Variants in ZNF484 observed in about 807,000 individuals in gnomAD.
ZNF484 encodes the protein zinc finger protein 484, also known as KRAB box containing C2H2 type zinc finger bA526D8.4.
A neutral mutation model predicts 12.9 loss-of-function variants in ZNF484; 11 were observed. The ratio of observed to expected loss-of-function variants is 0.85; its 90% CI spans 0.54 to 1.41. The LOEUF is 1.41. ZNF484 is among the 40% of genes most tolerant of loss of function. The pLI is 0.00. For missense variants in ZNF484, 807 were observed against 1,007.7 expected, an observed-to-expected ratio of 0.80 and a Z score of 2.70; for synonymous variants, 289 against 334.1, an observed-to-expected ratio of 0.86 and a Z score of 1.47.
Position 92,855,836 on chromosome 9 carries a change from A to C in ZNF484, c.210T>G (p.Gly70=), listed in dbSNP as rs1856408436. 6 of 1,613,978 alleles carry C rather than the reference A, an allele frequency of 3.7e-6. No individual in the cohort carries two copies. Among genetic ancestry groups the C allele is most frequent in the Admixed American group, 1.7e-5 (1 of 59,988 alleles). The change falls in exon 4 of 5, where the codon GGT becomes GGG. Residue 70 remains glycine, a synonymous_variant. Transcript: ENST00000375495. The part of the protein sequence containing the change: ...LEQEEPCMLD[G]EIPSQSRPDG... The stretch of plus-strand genomic sequence containing the variant: ...CTGGACGGCTCTGACTGGGGATCTC[A>C]CCATCCAACATACATGGCTCTTCTT...
At position 92,845,709 on chromosome 9, in the gene ZNF484, A is replaced by G. The variant is rs1159296157; in HGVS notation, c.*519T>C. 6.5e-6 allele frequency: 1 copy of G among 153,610 alleles called. No individual in the cohort carries two copies. Among genetic ancestry groups the G allele is most frequent in the Non-Finnish European group, 1.4e-5 (1 of 69,108 alleles). 9.5% of individuals were successfully genotyped at this position (153,610 alleles called of 1,614,324 possible). A position where few individuals can be genotyped will look rare whatever the true frequency, so the allele number is the denominator to read the frequency against. On this transcript the variant is annotated 3_prime_UTR_variant, in exon 5 of 5. Transcript: ENST00000375495. The surrounding 1 kb of genome is among the most constrained non-coding windows in gnomAD (Gnocchi z 4.0). ...AATATAGACTTTTGAGAAATAGGCAAAGAGCAATTTCAGACCTCTTGGCTA... is the reference window on the plus strand; with the variant it reads ...AATATAGACTTTTGAGAAATAGGCAGAGAGCAATTTCAGACCTCTTGGCTA...
At chr9:92,869,234 G>A (rs1857286316) in intron 2 of ZNF484, among the ~76,000 whole-genome samples, 1 of 151,968 alleles carries the variant, frequency 6.6e-6, no homozygotes, top group Non-Finnish European at 1.5e-5. Context: ...GGGAAGACTA[G>A]CGATGAATTA....
intron 4 of ZNF484, among the ~76,000 whole-genome samples, chr9:92,849,209 C>T (rs975262011): frequency 5.3e-5 from 8 of 150,976 alleles, no homozygotes; most frequent in Non-Finnish European, 1.2e-4. Context: ...TGCGGTGAGC[C>T]GAGATCTTGC....
At position 92,849,800 on chromosome 9, in the gene ZNF484, C is replaced by CTT. The variant is rs770649998; in HGVS notation, c.236-1251_236-1250dup. 3.2e-3 allele frequency among the ~76,000 whole-genome samples: 460 copies of CTT among 144,710 alleles called. 1 individual carries two copies. Among genetic ancestry groups the CTT allele is most frequent in the African/African-American group, 0.011 (433 of 39,812 alleles). The allele number at this position is 144,710 out of a possible 152,430, so 94.9% of individuals were successfully genotyped here. A position where few individuals can be genotyped will look rare whatever the true frequency, so the allele number is the denominator to read the frequency against. On this transcript the variant is annotated intron_variant, in intron 4 of 4. Coordinates refer to ENST00000375495, the MANE Select transcript of ZNF484 (RefSeq NM_031486.4). ...AGTGAGACTCTGTCTCTCTCTCTCT[C>CTT]TTTTTTTTTTTTCTTTTTTAAGACA...
At chr9:92,853,960 T>G (rs1446793814) in intron 4 of ZNF484, among the ~76,000 whole-genome samples, 1 of 145,018 alleles carries the variant, frequency 6.9e-6, no homozygotes, top group East Asian at 2.0e-4. Context: ...CAGATGGGGC[T>G]AGAGTGAGCA....
intron 1 of ZNF484, 144 bp from the exon 2 acceptor site, chr9:92,875,203 A>G (rs1857722088): frequency 3.2e-6 from 2 of 622,972 alleles, no homozygotes; most frequent in Non-Finnish European, 5.5e-6. Flanking sequence ...ATCCCATCCC[A>G]TATTGTACAA....
At chr9:92,863,719 A>G (rs1361452153) in intron 2 of ZNF484, among the ~76,000 whole-genome samples, 1 of 152,342 alleles carries the variant, frequency 6.6e-6, no homozygotes, top group East Asian at 1.9e-4. Context: ...AAGGTTGGAG[A>G]AAGGGAACCA....
chr9:92,852,738 T>C (rs958355742), intron 4 of ZNF484, among the ~76,000 whole-genome samples: 1 of 151,606 alleles, frequency 6.6e-6, no homozygotes, highest in Non-Finnish European at 1.5e-5. Context: ...GGTTTCGCCA[T>C]GTTGGCCAGG....
intron 2 of ZNF484, among the ~76,000 whole-genome samples, chr9:92,857,503 C>A (rs1856534189): frequency 6.6e-6 from 1 of 152,124 alleles, no homozygotes; most frequent in South Asian, 2.1e-4. Flanking sequence ...AAGCAAACAG[C>A]CTTTGAAGAA....
rs779894142 is a variant in ZNF484, at chr9:92,846,334, T to G, written c.2453A>C (p.Gln818Pro). ...GTCAGATTTCTGAGGCATACTGAGT[T>G]GTGGCTTCCAGTTTAAGGCTTTCCC... Reference protein sequence around the residue: ...DLGKALNWKPQLSMPQKSDNG... With the variant: ...DLGKALNWKPPLSMPQKSDNG... The change falls in exon 5 of 5, where the codon CAA becomes CCA. Residue 818 changes from glutamine (Q) to proline (P), a missense_variant. By Grantham distance (76) the Gln-to-Pro change is moderately conservative. Coordinates refer to ENST00000375495, the MANE Select transcript of ZNF484 (RefSeq NM_031486.4). 2.5e-6 allele frequency: 4 copies of G among 1,614,178 alleles called. No individual in the cohort carries two copies. In the South Asian group the frequency reaches 4.4e-5, roughly 18 times the overall value.
At position 92,846,081 on chromosome 9, in the gene ZNF484, A is replaced by G. The variant is rs1033706190; in HGVS notation, c.*147T>C. 1.3e-6 allele frequency: 1 copy of G among 767,182 alleles called. No individual in the cohort carries two copies. The highest frequency in any genetic ancestry group is 2.0e-6 in the Non-Finnish European group (1 of 489,096). 47.5% of individuals were successfully genotyped at this position (767,182 alleles called of 1,614,324 possible). A position where few individuals can be genotyped will look rare whatever the true frequency, so the allele number is the denominator to read the frequency against. On this transcript the variant is annotated 3_prime_UTR_variant, in exon 5 of 5. Coordinates refer to ENST00000375495, the MANE Select transcript of ZNF484 (RefSeq NM_031486.4). ...GAAAGACTGCCAATCATCTCCTTGC[A>G]CATTTACTATTATTTGCAGGAGCTT... is the stretch of plus-strand genomic sequence containing the variant.
intron 1 of ZNF484, among the ~76,000 whole-genome samples, chr9:92,875,610 A>G (rs143594144): frequency 6.6e-6 from 1 of 152,264 alleles, no homozygotes; most frequent in African/African-American, 2.4e-5. Flanking sequence ...TCAATCCCAC[A>G]TCCCCATGAC....
At chr9:92,851,432 A>G (rs1856072582) in intron 4 of ZNF484, among the ~76,000 whole-genome samples, 1 of 152,256 alleles carries the variant, frequency 6.6e-6, no homozygotes, top group Admixed American at 6.5e-5. Context: ...GAACACAGCC[A>G]CACCCATACA....
rs1178415395 is a variant in ZNF484 at position 92,844,900 on chromosome 9, A to G, written c.*1328T>C. ...AATATGTGGGTTAATTTAAATGGATATTGACTCAAATAATGATTGGCTATG... is the reference window on the plus strand; with the variant it reads ...AATATGTGGGTTAATTTAAATGGATGTTGACTCAAATAATGATTGGCTATG... On this transcript the variant is annotated 3_prime_UTR_variant, in exon 5 of 5. Transcript: ENST00000375495. 2 of 152,204 alleles carry G rather than the reference A, an allele frequency of 1.3e-5. No individual in the cohort carries two copies. Among genetic ancestry groups the G allele is most frequent in the Non-Finnish European group, 1.5e-5 (1 of 68,010 alleles). 9.4% of individuals were successfully genotyped at this position (152,204 alleles called of 1,614,324 possible).
At chr9:92,872,231 CAAAAAAAAAAA>C (rs59372760) in intron 2 of ZNF484, among the ~76,000 whole-genome samples, 1 of 45,590 alleles carries the variant, frequency 2.2e-5, no homozygotes, top group Non-Finnish European at 3.6e-5. Context: ...ATCTCTGCCT[CAAAAAAAAAAA>C]AAAAAAAAAA....
chr9:92,855,959 C>T (rs1408355495), intron 3 of ZNF484, 56 bp from the exon 4 acceptor site: 2 of 1,580,486 alleles, frequency 1.3e-6, no homozygotes, highest in African/African-American at 2.7e-5. Flanking sequence ...ATGAAGCATT[C>T]CATTTTTTTC....
At chr9:92,874,105 G>A (rs893403934) in intron 2 of ZNF484, among the ~76,000 whole-genome samples, 2 of 152,132 alleles carry the variant, frequency 1.3e-5, no homozygotes, top group Non-Finnish European at 2.9e-5. Context: ...TCCCATTCAC[G>A]ATAAAACCTC....
rs767228367 is a variant in ZNF484 at position 92,846,867 on chromosome 9, T to C, written c.1920A>G (p.Glu640=). 7.4e-6 allele frequency: 12 copies of C among 1,613,132 alleles called. No homozygotes were observed. Among genetic ancestry groups the C allele is most frequent in the Non-Finnish European group, 1.0e-5 (12 of 1,179,710 alleles). Residue 640 remains glutamate, a synonymous_variant, in exon 5 of 5, where the codon GAA becomes GAG. Coordinates refer to ENST00000375495, the MANE Select transcript of ZNF484 (RefSeq NM_031486.4). ...ATCTGTCAGTAAAAGCCTTTCCACA[T>C]TCAGCACACCTATAGGGTTTCTCTC... ...HTGEKPYRCA[E]CGKAFTDRSN...
chr9:92,855,997 A>C, intron 3 of ZNF484, 94 bp from the exon 4 acceptor site: 1 of 1,441,770 alleles, frequency 6.9e-7, no homozygotes. Flanking sequence ...GAACAGAGGA[A>C]TATTCACACT....
Sources: allele counts gnomAD v4.1 joint callset (sites outside exome capture counted in the v4.1 genomes callset), GRCh38; gene constraint gnomAD v4.1.1; non-coding constraint Gnocchi (gnomAD v3.1); transcripts MANE v1.5; gene names NCBI Gene and HGNC (gene_info 2026-07-23, HGNC 2026-07-21).